EZH2: variants seen among roughly 807,000 people sequenced by gnomAD.
EZH2 encodes histone-lysine N-methyltransferase EZH2.
In EZH2, 18 loss-of-function variants were observed where a neutral mutation model predicts 98.4. The ratio of observed to expected loss-of-function variants is 0.18; its 90% CI spans 0.13 to 0.27. The LOEUF (loss-of-function observed/expected upper bound fraction) is 0.27. EZH2 is among the 10% of genes least tolerant of loss of function. The pLI is 1.00. For synonymous variants in EZH2, 338 were observed against 312.3 expected (o/e 1.08, Z -0.87); for missense variants, 470 against 935.1 (o/e 0.50, Z 6.49).
At chr7:148,882,546 T>C (rs1821157242) in intron 1 of EZH2, among the ~76,000 whole-genome samples, 2 of 152,216 alleles carry the variant, frequency 1.3e-5, no homozygotes, top group African/African-American at 4.8e-5. Flanking sequence ...CAAATAAAAT[T>C]ACAAATAAAC....
At chr7:148,827,319 A>C in intron 6 of EZH2, 53 bp from the exon 7 acceptor site, 1 of 1,380,710 alleles carries the variant, frequency 7.2e-7, no homozygotes, top group South Asian at 1.2e-5. Context: ...CAAGTTTTTG[A>C]TCTTTCATTT....
intron 7 of EZH2, among the ~76,000 whole-genome samples, 177 bp from the exon 8 acceptor site, chr7:148,826,809 A>G (rs1283737925): frequency 6.6e-6 from 1 of 152,250 alleles, no homozygotes; most frequent in Non-Finnish European, 1.5e-5. Flanking sequence ...ATCAAGAATC[A>G]AATTCATCGA....
intron 1 of EZH2, among the ~76,000 whole-genome samples, chr7:148,870,131 T>C (rs1246251741): frequency 6.6e-6 from 1 of 152,202 alleles, no homozygotes; most frequent in Non-Finnish European, 1.5e-5. Flanking sequence ...CAAAATTACT[T>C]AAGGAATTAA....
chr7:148,830,408 C>T (rs1460762954), intron 4 of EZH2, among the ~76,000 whole-genome samples: 1 of 151,878 alleles, frequency 6.6e-6, no homozygotes, highest in Non-Finnish European at 1.5e-5. Context: ...TATAAAGACC[C>T]ATACCAAAAA....
chr7:148,807,496 T>C lies in EZH2; in HGVS notation c.*150A>G, dbSNP rs1801776195. On this transcript the variant is annotated 3_prime_UTR_variant, in exon 20 of 20. Coordinates refer to ENST00000320356, the MANE Select transcript of EZH2 (RefSeq NM_004456.5). The stretch of plus-strand genomic sequence containing the variant: ...TGGTGAGAAGGCAATAAAAAGTTGA[T>C]TTTTAAACTCATTACTATAAATTAT... 1 of 675,888 alleles carries C rather than the reference T, an allele frequency of 1.5e-6. No homozygotes were observed. Among genetic ancestry groups the C allele is most frequent in the Non-Finnish European group, 2.5e-6 (1 of 392,554 alleles). 41.9% of individuals were successfully genotyped at this position (675,888 alleles called of 1,614,324 possible).
intron 8 of EZH2, chr7:148,821,120 T>C (rs527363579): frequency 8.5e-6 from 1 of 117,156 alleles, no homozygotes; most frequent in South Asian, 2.7e-4. Flanking sequence ...ATAAAGTAGG[T>C]AGAAAAGAGA....
At chr7:148,846,353 G>T in intron 3 of EZH2, 117 bp downstream of exon 3, 1 of 1,064,780 alleles carries the variant, frequency 9.4e-7, no homozygotes. Flanking sequence ...AAAAGAAATA[G>T]CAATAAAAAG....
intron 1 of EZH2, among the ~76,000 whole-genome samples, chr7:148,861,228 CTTTT>C (rs200267826): frequency 1.5e-5 from 2 of 133,394 alleles, no homozygotes; most frequent in Non-Finnish European, 1.6e-5. Context: ...TTATTTGTAT[CTTTT>C]TTTTTTTTTT....
intron 1 of EZH2, 44 bp downstream of exon 1, chr7:148,884,120 C>T (rs1383416901): frequency 1.3e-5 from 2 of 151,586 alleles, no homozygotes; most frequent in East Asian, 2.0e-4. Flanking sequence ...CCGGTTCGCA[C>T]TCCCGGAGCC....
chr7:148,826,722 T>C, intron 7 of EZH2, 90 bp from the exon 8 acceptor site: 1 of 1,108,614 alleles, frequency 9.0e-7, no homozygotes, highest in African/African-American at 1.6e-5. Flanking sequence ...GTGTTACTTT[T>C]GATGTTTATC....
At position 148,828,817 on chromosome 7, in the gene EZH2, T is replaced by C. The variant is rs1456751008; in HGVS notation, c.548A>G (p.Asp183Gly). 1 of 1,613,884 alleles carries C rather than the reference T, an allele frequency of 6.2e-7. No homozygotes were observed. Among genetic ancestry groups the C allele is most frequent in the Admixed American group, 1.7e-5 (1 of 60,000 alleles). The change falls in exon 6 of 20, where the codon GAT (aspartate) becomes GGT (glycine). Residue 183 changes from aspartate (D) to glycine (G), a missense_variant. Asp to Gly is a moderately conservative substitution (Grantham distance 94). This residue lies in a region of EZH2 where 69 missense variants were observed against 78.3 expected (regional missense o/e 0.88). Transcript: ENST00000320356. ...GTCTCCATCATCATCATCGTCATCA[T>C]CATTATATTGACCAAGGGCATTCAC... ...ELVNALGQYN[D>G]DDDDDDGDDP...
intron 17 of EZH2, 42 bp downstream of exon 17, chr7:148,810,291 A>T: frequency 6.8e-7 from 1 of 1,460,316 alleles, no homozygotes; most frequent in Non-Finnish European, 9.6e-7. Context: ...AGGCTGCCAC[A>T]TGCAACTCAG....
intron 3 of EZH2, among the ~76,000 whole-genome samples, chr7:148,834,352 T>TATATATATACACAC (rs1321608007): frequency 2.2e-4 from 31 of 143,410 alleles, no homozygotes; most frequent in African/African-American, 7.5e-4. Flanking sequence ...TATATATATA[T>TATATATATACACAC]ACACACACAC....
intron 5 of EZH2, 33 bp downstream of exon 5, chr7:148,829,695 C>A: frequency 1.3e-6 from 2 of 1,597,300 alleles, no homozygotes; most frequent in Non-Finnish European, 1.7e-6. Flanking sequence ...ATTCTTTAGC[C>A]CCTTTTTCCA....
chr7:148,807,676 G>A lies in EZH2; in HGVS notation c.2226C>T (p.Val742=), dbSNP rs148228353. 159 of 1,597,808 alleles carry A rather than the reference G, an allele frequency of 1.0e-4. No homozygotes were observed. Among genetic ancestry groups the A allele is most frequent in the African/African-American group, 5.8e-4 (43 of 74,666 alleles). The change falls in exon 20 of 20, where the codon GTC becomes GTT. Residue 742 remains valine (V), a synonymous_variant. Coordinates refer to ENST00000320356, the MANE Select transcript of EZH2 (RefSeq NM_004456.5). ...RYSQADALKY[V]GIEREMEIP ...GGATTTCCATTTCTCTTTCGATGCC[G>A]ACATACTTCAGGGCATCAGCCTGGC...
rs10628711 is a variant in EZH2, at chr7:148,861,803, T to TAAAA, written c.-7-14502_-7-14499dup. Among the ~76,000 whole-genome samples the TAAAA allele has an allele frequency of 3.2e-3, 463 of 143,510 alleles. 2 individuals carry two copies. The highest frequency in any genetic ancestry group is 0.011 in the African/African-American group (412 of 38,772). The allele number at this position is 143,510 out of a possible 152,430, so 94.1% of individuals were successfully genotyped here. ...CTGAGCAACATAGCCTTCTTTTATTTAAAAAAAAAAAAAAAAAATTAATTA... is the reference window on the plus strand; with the variant it reads ...CTGAGCAACATAGCCTTCTTTTATTTAAAAAAAAAAAAAAAAAAAAAATTAATTA... On this transcript the variant is annotated intron_variant, in intron 1 of 19. Coordinates refer to ENST00000320356, the MANE Select transcript of EZH2 (RefSeq NM_004456.5).
At chr7:148,842,543 C>T (rs1314052888) in intron 3 of EZH2, among the ~76,000 whole-genome samples, 1 of 152,070 alleles carries the variant, frequency 6.6e-6, no homozygotes, top group Middle Eastern at 3.2e-3. Context: ...AATGTACATC[C>T]CTTGACCTAT....
intron 1 of EZH2, among the ~76,000 whole-genome samples, chr7:148,867,729 T>C (rs905256087): frequency 2.0e-5 from 3 of 152,242 alleles, no homozygotes; most frequent in African/African-American, 7.2e-5. Flanking sequence ...TAAACTTTTA[T>C]GTTCTGCTTC....
chr7:148,883,595 G>C (rs1398593509), intron 1 of EZH2: 1 of 145,096 alleles, frequency 6.9e-6, no homozygotes, highest in African/African-American at 2.5e-5. Flanking sequence ...TGCCCACCCC[G>C]GCAGCGGCCC....
Sources: allele counts gnomAD v4.1 joint callset (sites outside exome capture counted in the v4.1 genomes callset), GRCh38; gene constraint gnomAD v4.1.1; regional missense constraint gnomAD v4.1.1; transcripts MANE v1.5; gene names NCBI Gene and HGNC (gene_info 2026-07-23, HGNC 2026-07-21).